TSC22D1: variants seen among roughly 807,000 people sequenced by gnomAD.
TSC22D1 encodes TSC22 domain family member 1, also known as TSC22 domain family protein 1.
Under a neutral mutation model 74.2 loss-of-function variants are expected in TSC22D1, and 9 were observed. The observed-to-expected ratio is 0.12, with a 90% CI of 0.07 to 0.21. The LOEUF (loss-of-function observed/expected upper bound fraction) is 0.21. TSC22D1 is among the 10% of genes least tolerant of loss of function. TSC22D1 has a pLI of 1.00. For missense variants in TSC22D1, 1,427 were observed against 1,304.7 expected (o/e 1.09, Z -1.44); for synonymous variants, 586 against 492.5 (o/e 1.19, Z -2.51).
chr13:44,450,991 G>A (rs1006781770), intron 1 of TSC22D1, among the ~76,000 whole-genome samples: 6 of 152,136 alleles, frequency 3.9e-5, no homozygotes, highest in Non-Finnish European at 5.9e-5. Flanking sequence ...TAGGCTTGAG[G>A]CACTTGCAAG....
intron 1 of TSC22D1, among the ~76,000 whole-genome samples, chr13:44,496,898 C>A (rs371448030): frequency 3.9e-5 from 6 of 151,962 alleles, no homozygotes; most frequent in Non-Finnish European, 2.9e-5. Context: ...TAGCTACAAT[C>A]AAAAATATGG....
chr13:44,434,896 C>G lies in TSC22D1; in HGVS notation c.2965-13G>C. The G allele has an allele frequency of 1.2e-6, 2 of 1,603,522 alleles. No individual in the cohort carries two copies. The highest frequency in any genetic ancestry group is 1.7e-6 in the Non-Finnish European group (2 of 1,174,816). On this transcript the variant is annotated splice_polypyrimidine_tract_variant and intron_variant, in intron 2 of 2. Transcript: ENST00000458659. ...TTTTCACTAGATCCTGGAAAGAAGA[C>G]AGAAAAGGTTTAACTCATTATTTGG...
In TSC22D1 at chr13:44,523,144, A is replaced by G. The variant is rs549759123; in HGVS notation, c.2912+50019T>C. Among the ~76,000 whole-genome samples, 226 of 152,312 alleles carry G rather than the reference A, an allele frequency of 1.5e-3. 3 individuals carry two copies. Among genetic ancestry groups the G allele is most frequent in the Admixed American group, 0.013 (195 of 15,304 alleles). ...TATTAGACAGGCTACAATCACTGACAACACCAAATGCTGCTAAGAATGCAG... is the reference window on the plus strand; with the variant it reads ...TATTAGACAGGCTACAATCACTGACGACACCAAATGCTGCTAAGAATGCAG... On this transcript the variant is annotated intron_variant, in intron 1 of 2. Coordinates refer to ENST00000458659, the MANE Select transcript of TSC22D1 (RefSeq NM_183422.4).
intron 1 of TSC22D1, among the ~76,000 whole-genome samples, chr13:44,447,831 T>C (rs1875806907): frequency 9.0e-6 from 1 of 111,078 alleles, no homozygotes; most frequent in African/African-American, 3.4e-5. Context: ...CCAATGCCTT[T>C]TCTTTTTTTT....
At chr13:44,529,010 C>T (rs973158859) in intron 1 of TSC22D1, among the ~76,000 whole-genome samples, 1 of 151,974 alleles carries the variant, frequency 6.6e-6, no homozygotes, top group Non-Finnish European at 1.5e-5. Context: ...AGAGTTCTAC[C>T]AGGTATCTCA....
chr13:44,466,218 G>T (rs1374958990), intron 1 of TSC22D1, among the ~76,000 whole-genome samples: 1 of 152,170 alleles, frequency 6.6e-6, no homozygotes, highest in African/African-American at 2.4e-5. Flanking sequence ...AAGAAGCTAG[G>T]GAAGGGGTAT....
intron 1 of TSC22D1, chr13:44,537,205 A>G (rs1415764943): frequency 1.1e-6 from 1 of 882,690 alleles, no homozygotes. Context: ...TAATATTCAT[A>G]AACACTGAAA....
intron 2 of TSC22D1, chr13:44,435,259 C>T (rs1874465758): frequency 5.3e-6 from 1 of 187,496 alleles, no homozygotes; most frequent in South Asian, 1.4e-4. Context: ...CGCCCGGAGC[C>T]GCCTCCTTCA....
intron 1 of TSC22D1, among the ~76,000 whole-genome samples, chr13:44,524,670 C>G (rs965381307): frequency 1.3e-5 from 2 of 152,086 alleles, no homozygotes; most frequent in African/African-American, 4.8e-5. Flanking sequence ...CCTCAGCCTC[C>G]TGAGTATTAA....
intron 1 of TSC22D1, among the ~76,000 whole-genome samples, chr13:44,564,847 G>A (rs979456543): frequency 1.1e-4 from 16 of 152,108 alleles, no homozygotes; most frequent in Non-Finnish European, 2.1e-4. Flanking sequence ...TAGAGCAATG[G>A]CAATAAGGAT....
intron 1 of TSC22D1, among the ~76,000 whole-genome samples, chr13:44,444,601 G>A (rs75738694): frequency 0.032 from 4,821 of 152,004 alleles, 225 homozygotes; most frequent in African/African-American, 0.11. Context: ...ATAAAAGGTC[G>A]ATTTTATCAT....
chr13:44,446,197 T>C (rs1458284609), intron 1 of TSC22D1, among the ~76,000 whole-genome samples: 2 of 152,140 alleles, frequency 1.3e-5, no homozygotes, highest in African/African-American at 4.8e-5. Context: ...AACAAACTAC[T>C]GATACACATA....
In TSC22D1 at chr13:44,440,674, TTG is replaced by T. The variant is rs1875126100; in HGVS notation, c.2913-4581_2913-4580del. ...CATCAAAATAGGATGCATTTCTATT[TTG>T]GAGAGAGAACAGAAGGAAGAGAATT... On this transcript the variant is annotated intron_variant, in intron 1 of 2. Transcript: ENST00000458659. 4.0e-5 allele frequency among the ~76,000 whole-genome samples: 6 copies of T among 151,798 alleles called. No individual in the cohort carries two copies. The South Asian group carries it at 1.2e-3, about 32-fold the overall frequency.
intron 1 of TSC22D1, among the ~76,000 whole-genome samples, chr13:44,448,609 C>T (rs898983220): frequency 6.6e-6 from 1 of 152,140 alleles, no homozygotes; most frequent in South Asian, 2.1e-4. Context: ...ACCTCTGCTT[C>T]GATCAAGGGA....
intron 1 of TSC22D1, among the ~76,000 whole-genome samples, chr13:44,479,238 C>G (rs1164297746): frequency 2.0e-5 from 3 of 152,162 alleles, no homozygotes; most frequent in African/African-American, 7.2e-5. Flanking sequence ...ACCAAGCTTG[C>G]CCAACCCACG....
intron 1 of TSC22D1, among the ~76,000 whole-genome samples, chr13:44,500,929 T>G (rs1253242911): frequency 1.3e-5 from 2 of 152,192 alleles, no homozygotes; most frequent in Non-Finnish European, 2.9e-5. Flanking sequence ...CCAGCGATCC[T>G]CCTGCCTTCG....
At chr13:44,567,287 G>A (rs1388479657) in intron 1 of TSC22D1, among the ~76,000 whole-genome samples, 10 of 152,210 alleles carry the variant, frequency 6.6e-5, no homozygotes, top group Middle Eastern at 3.4e-3. Context: ...AGAAGAAACC[G>A]ACACTAGAAG....
At position 44,433,984 on chromosome 13, in the gene TSC22D1, A is replaced by G; in HGVS notation, c.*642T>C. On this transcript the variant is annotated 3_prime_UTR_variant, in exon 3 of 3. Coordinates refer to ENST00000458659, the MANE Select transcript of TSC22D1 (RefSeq NM_183422.4). ...GTTACACTACATACACAAATATACA[A>G]TAAGCAAAACAACCTTCATGGTAAG... 2 of 1,534,548 alleles carry G rather than the reference A, an allele frequency of 1.3e-6. No homozygotes were observed. Among genetic ancestry groups the G allele is most frequent in the South Asian group, 2.4e-5 (2 of 83,596 alleles).
intron 1 of TSC22D1, among the ~76,000 whole-genome samples, chr13:44,470,709 T>A (rs1225486266): frequency 6.6e-6 from 1 of 152,206 alleles, no homozygotes; most frequent in African/African-American, 2.4e-5. Context: ...TCTGCCTTCA[T>A]TTGCTATTTA....
Sources: allele counts gnomAD v4.1 joint callset (sites outside exome capture counted in the v4.1 genomes callset), GRCh38; gene constraint gnomAD v4.1.1; transcripts MANE v1.5; gene names NCBI Gene and HGNC (gene_info 2026-07-23, HGNC 2026-07-21).